SOX5: variants seen among roughly 807,000 people sequenced by gnomAD.
SOX5 encodes the protein SRY-box transcription factor 5.
Under a neutral mutation model 92.0 loss-of-function variants are expected in SOX5, and 9 were observed. That is an observed-to-expected ratio of 0.10 (90% CI 0.06 to 0.17). The LOEUF (loss-of-function observed/expected upper bound fraction) is 0.17, where lower values mean the gene tolerates loss of function less well. SOX5 is among the 10% of genes least tolerant of loss of function. The pLI, the probability that SOX5 is intolerant of heterozygous loss-of-function variation, is 1.00. For synonymous variants in SOX5, 344 were observed against 336.3 expected (o/e 1.02, Z -0.25); for missense variants, 642 against 944.5 (o/e 0.68, Z 4.20).
At chr12:24,561,497 G>T (rs1350637502) in intron 1 of SOX5, among the ~76,000 whole-genome samples, 1 of 152,164 alleles carries the variant, frequency 6.6e-6, no homozygotes, top group Non-Finnish European at 1.5e-5. Context: ...AATCCAATTT[G>T]ATTTCAACTC....
intron 6 of SOX5, among the ~76,000 whole-genome samples, chr12:23,717,333 T>C (rs190992983): frequency 1.3e-5 from 2 of 152,302 alleles, no homozygotes; most frequent in Admixed American, 6.5e-5. Flanking sequence ...TTGCAATGAA[T>C]TGTGACTTTA....
At chr12:24,493,254 A>G (rs1042602375) in intron 1 of SOX5, among the ~76,000 whole-genome samples, 2 of 152,216 alleles carry the variant, frequency 1.3e-5, no homozygotes, top group Non-Finnish European at 2.9e-5. Flanking sequence ...ATCAGTGTCA[A>G]CAGTATTCAA....
At chr12:24,483,289 A>G (rs1946191056) in intron 1 of SOX5, among the ~76,000 whole-genome samples, 1 of 152,238 alleles carries the variant, frequency 6.6e-6, no homozygotes, top group Admixed American at 6.5e-5. Flanking sequence ...ATTTTTCTGG[A>G]CAGTGAAAAC....
intron 8 of SOX5, among the ~76,000 whole-genome samples, chr12:23,618,597 C>T (rs1364542200): frequency 1.3e-5 from 2 of 152,154 alleles, no homozygotes; most frequent in African/African-American, 4.8e-5. Flanking sequence ...ACGATTTTCT[C>T]CATGACTACG....
intron 1 of SOX5, among the ~76,000 whole-genome samples, chr12:23,929,945 A>G (rs1194541839): frequency 6.6e-6 from 1 of 151,924 alleles, no homozygotes; most frequent in Non-Finnish European, 1.5e-5. Flanking sequence ...ATAAAAGAGG[A>G]CAATCAACAG....
chr12:24,545,056 G>A (rs1279815530), intron 1 of SOX5, among the ~76,000 whole-genome samples: 1 of 152,072 alleles, frequency 6.6e-6, no homozygotes, highest in Non-Finnish European at 1.5e-5. Context: ...GGAGAGCACT[G>A]ACTTAGACGT....
At chr12:23,711,573 TTC>T (rs72400441) in intron 6 of SOX5, among the ~76,000 whole-genome samples, 6,101 of 152,276 alleles carry the variant, frequency 0.04, 169 homozygotes, top group Middle Eastern at 0.1. Context: ...CATTATTTTT[TTC>T]TGTTTCAATG....
chr12:24,495,374 G>C (rs1024184089), intron 1 of SOX5, among the ~76,000 whole-genome samples: 1 of 152,142 alleles, frequency 6.6e-6, no homozygotes, highest in Non-Finnish European at 1.5e-5. Context: ...CAACTTTCTG[G>C]TTCTTATTCT....
At position 24,035,811 on chromosome 12, in the gene SOX5, A is replaced by G. The variant is rs536005000; in HGVS notation, c.-1-139787T>C. On this transcript the variant is annotated intron_variant, in intron 4 of 4. Coordinates refer to the SOX5 transcript ENST00000446891. Reference sequence around the variant, plus strand: ...CCTTCTCTCATTAAAAATGTGAATGATTTAACTGTACAGTACCAAAATCTC... The same window carrying G: ...CCTTCTCTCATTAAAAATGTGAATGGTTTAACTGTACAGTACCAAAATCTC... 1.6e-3 allele frequency among the ~76,000 whole-genome samples: 236 copies of G among 152,142 alleles called. 2 individuals carry two copies. Among genetic ancestry groups the G allele is most frequent in the African/African-American group, 5.2e-3 (215 of 41,528 alleles).
At chr12:24,349,539 T>G (rs1248866374) in intron 2 of SOX5, among the ~76,000 whole-genome samples, 10 of 152,202 alleles carry the variant, frequency 6.6e-5, no homozygotes, top group Non-Finnish European at 1.5e-4. Context: ...AGTATTTGTC[T>G]TTTAGTGACT....
At chr12:23,641,444 T>C (rs943433877) in intron 7 of SOX5, among the ~76,000 whole-genome samples, 13 of 152,198 alleles carry the variant, frequency 8.5e-5, no homozygotes, top group East Asian at 7.7e-4. Context: ...ATATGAAATA[T>C]TGACATCTTT....
At chr12:24,099,316 T>G (rs1945796890) in intron 4 of SOX5, among the ~76,000 whole-genome samples, 1 of 152,142 alleles carries the variant, frequency 6.6e-6, no homozygotes, top group Non-Finnish European at 1.5e-5. Flanking sequence ...GAAACTTGCA[T>G]GCAGGAAGAT....
intron 7 of SOX5, among the ~76,000 whole-genome samples, chr12:23,643,460 G>C (rs2080398219): frequency 6.6e-6 from 1 of 152,134 alleles, no homozygotes; most frequent in Admixed American, 6.5e-5. Context: ...AAAATTTTAG[G>C]GGAAAAGCCC....
intron 10 of SOX5, among the ~76,000 whole-genome samples, chr12:23,573,432 C>T (rs1023847171): frequency 1.3e-5 from 2 of 152,178 alleles, no homozygotes; most frequent in Admixed American, 6.6e-5. Context: ...AATTGTCCTG[C>T]AGAAGGTGCA....
At chr12:24,034,825 C>T (rs1302953513) in intron 4 of SOX5, among the ~76,000 whole-genome samples, 2 of 151,974 alleles carry the variant, frequency 1.3e-5, no homozygotes, top group South Asian at 2.1e-4. Flanking sequence ...GAAGGAACTG[C>T]GGAAGCAAAT....
At chr12:24,497,427 C>A (rs1287404539) in intron 1 of SOX5, among the ~76,000 whole-genome samples, 2 of 152,148 alleles carry the variant, frequency 1.3e-5, no homozygotes, top group Non-Finnish European at 2.9e-5. Context: ...TCAACAAAAG[C>A]CTTCTGACAG....
intron 3 of SOX5, among the ~76,000 whole-genome samples, chr12:23,821,436 C>T (rs943176270): frequency 9.2e-5 from 14 of 152,182 alleles, no homozygotes; most frequent in Non-Finnish European, 2.9e-5. Context: ...TGCCTGACTG[C>T]CCTGGCCAAC....
intron 3 of SOX5, among the ~76,000 whole-genome samples, chr12:23,833,958 GAA>G (rs1247766599): frequency 7.9e-5 from 12 of 151,924 alleles, no homozygotes; most frequent in Non-Finnish European, 5.9e-5. Context: ...ACAGTTAAGA[GAA>G]ACAAGCACCT....
intron 1 of SOX5, among the ~76,000 whole-genome samples, chr12:24,414,839 G>A (rs1370412953): frequency 2.0e-5 from 3 of 152,134 alleles, no homozygotes; most frequent in African/African-American, 4.8e-5. Context: ...CTCCCCACAT[G>A]CCTATGAAAC....
Sources: allele counts gnomAD v4.1 joint callset (sites outside exome capture counted in the v4.1 genomes callset), GRCh38; gene constraint gnomAD v4.1.1; transcripts MANE v1.5; gene names NCBI Gene and HGNC (gene_info 2026-07-23, HGNC 2026-07-21).